The following CAMTA1 variants were observed in gnomAD, a reference collection of about 807,000 sequenced individuals.
CAMTA1 encodes calmodulin-binding transcription activator 1.
Under a neutral mutation model 170.9 loss-of-function variants are expected in CAMTA1, and 27 were observed. That is an observed-to-expected ratio of 0.16 (90% confidence interval 0.12 to 0.22). CAMTA1 has a LOEUF of 0.22. CAMTA1 is among the 10% of genes least tolerant of loss of function. The pLI is 1.00. For missense variants in CAMTA1, 1,619 were observed against 2,217.2 expected (o/e 0.73, Z 5.42); for synonymous variants, 833 against 891.5 (o/e 0.93, Z 1.17).
At chr1:7,011,325 C>T (rs1483237352) in intron 3 of CAMTA1, among the ~76,000 whole-genome samples, 1 of 152,214 alleles carries the variant, frequency 6.6e-6, no homozygotes, top group Non-Finnish European at 1.5e-5. Context: ...GGATTACATG[C>T]ATGAGCTACT....
intron 6 of CAMTA1, among the ~76,000 whole-genome samples, chr1:7,617,511 C>G (rs1028258849): frequency 1.2e-4 from 19 of 152,244 alleles, no homozygotes; most frequent in African/African-American, 4.1e-4. Context: ...GTCCTCTACC[C>G]TCAGGCTCTA....
intron 3 of CAMTA1, among the ~76,000 whole-genome samples, chr1:6,944,699 C>T (rs945147640): frequency 1.3e-5 from 2 of 152,244 alleles, no homozygotes; most frequent in Non-Finnish European, 1.5e-5. Context: ...ACCTGTTTCT[C>T]TCGTTTAAAA....
chr1:6,917,440 A>G (rs966649332), intron 3 of CAMTA1, among the ~76,000 whole-genome samples: 2 of 152,054 alleles, frequency 1.3e-5, no homozygotes, highest in South Asian at 2.1e-4. Flanking sequence ...AGAACTTGCA[A>G]TTATTAACCT....
At chr1:7,000,470 A>G (rs1201632403) in intron 3 of CAMTA1, among the ~76,000 whole-genome samples, 11 of 152,192 alleles carry the variant, frequency 7.2e-5, no homozygotes. Context: ...GAGGCAGGAC[A>G]GGAGCGAGGT....
intron 3 of CAMTA1, among the ~76,000 whole-genome samples, chr1:6,917,203 A>C (rs1194631277): frequency 1.3e-5 from 2 of 151,980 alleles, no homozygotes; most frequent in East Asian, 3.9e-4. Context: ...GAGCCTGTTC[A>C]TGACACTGGA....
rs2096929937 is a variant in CAMTA1, at chr1:7,756,136, TA to T, written c.4989+470del. On this transcript the variant is annotated intron_variant, in intron 22 of 22. Transcript: ENST00000303635. ...AGGTCGTACTAGGGTTTTTTTTTTTTAATGAATCTATTTCTTACTGAGAATG... is the reference window on the plus strand; with the variant it reads ...AGGTCGTACTAGGGTTTTTTTTTTTTATGAATCTATTTCTTACTGAGAATG... Among the ~76,000 whole-genome samples the T allele has an allele frequency of 5.3e-5, 8 of 152,128 alleles. No individual in the cohort carries two copies. In the South Asian group the frequency reaches 1.5e-3, roughly 28 times the overall value.
chr1:7,687,261 A>C (rs2096266739), intron 11 of CAMTA1, among the ~76,000 whole-genome samples: 1 of 151,736 alleles, frequency 6.6e-6, no homozygotes, highest in African/African-American at 2.4e-5. Flanking sequence ...CAGCCAGTGC[A>C]ACGGAGGGAA....
chr1:7,295,705 A>G (rs542248221), intron 5 of CAMTA1, among the ~76,000 whole-genome samples: 27 of 152,350 alleles, frequency 1.8e-4, no homozygotes, highest in Non-Finnish European at 3.5e-4. Flanking sequence ...TCAAAAATGA[A>G]CAGACAGAAA....
chr1:7,678,442 A>C (rs1316826154), intron 11 of CAMTA1, among the ~76,000 whole-genome samples: 2 of 152,202 alleles, frequency 1.3e-5, no homozygotes, highest in Non-Finnish European at 2.9e-5. Flanking sequence ...AAGGAGAGGC[A>C]GGGACTCCAA....
At chr1:6,942,370 A>T (rs1372616642) in intron 3 of CAMTA1, among the ~76,000 whole-genome samples, 1 of 152,224 alleles carries the variant, frequency 6.6e-6, no homozygotes, top group Non-Finnish European at 1.5e-5. Flanking sequence ...GAGTTAAACC[A>T]TGGGCTCACT....
chr1:6,934,517 GA>G lies in CAMTA1; in HGVS notation c.234+109311del, dbSNP rs1684969927. Among the ~76,000 whole-genome samples the G allele has an allele frequency of 1.3e-5, 2 of 152,160 alleles. No homozygotes were observed. On this transcript the variant is annotated intron_variant, in intron 3 of 22. Coordinates refer to ENST00000303635, the MANE Select transcript of CAMTA1 (RefSeq NM_015215.4). This position sits in a 1 kb window ranked among gnomAD's most constrained non-coding sequence, Gnocchi z 4.5. The stretch of plus-strand genomic sequence containing the variant: ...CCAGAACATTCCTTTGAGGAGGAGA[GA>G]AAAGGAACTTGGCCACTGTGGACCC...
chr1:6,979,289 G>A (rs1445965267), intron 3 of CAMTA1, among the ~76,000 whole-genome samples: 1 of 152,184 alleles, frequency 6.6e-6, no homozygotes, highest in Non-Finnish European at 1.5e-5. Flanking sequence ...CCTAGGTGCT[G>A]CTCCCTCTCC....
Position 7,536,036 on chromosome 1 carries a change from A to T in CAMTA1, c.510+68135A>T, listed in dbSNP as rs948591695. Among the ~76,000 whole-genome samples the T allele has an allele frequency of 3.3e-5, 5 of 152,214 alleles. 1 individual carries two copies. The highest frequency in any genetic ancestry group is 7.3e-5 in the Non-Finnish European group (5 of 68,038). On this transcript the variant is annotated intron_variant, in intron 6 of 22. Transcript: ENST00000303635. The stretch of plus-strand genomic sequence containing the variant: ...TAATAACCTTAATTGTAAATCCTTT[A>T]TGTATAGACTTGGGCTATAACAACC...
intron 3 of CAMTA1, among the ~76,000 whole-genome samples, chr1:6,995,306 T>C (rs1453918280): frequency 2.9e-4 from 34 of 116,420 alleles, no homozygotes; most frequent in Admixed American, 7.7e-4. Flanking sequence ...TTTTTTTTTT[T>C]TTTTTTTTTT....
chr1:7,486,594 A>C (rs2093621137), intron 6 of CAMTA1, among the ~76,000 whole-genome samples: 1 of 152,196 alleles, frequency 6.6e-6, no homozygotes, highest in Non-Finnish European at 1.5e-5. Context: ...CTGAGACCTG[A>C]CTTCCAGGGT....
intron 11 of CAMTA1, chr1:7,693,683 T>G (rs958538979): frequency 1.3e-5 from 2 of 152,270 alleles, no homozygotes; most frequent in African/African-American, 4.8e-5. Flanking sequence ...CACTGTCCTC[T>G]TCCCCATGGA....
At chr1:7,316,438 A>C (rs757416571) in intron 5 of CAMTA1, among the ~76,000 whole-genome samples, 15 of 152,216 alleles carry the variant, frequency 9.9e-5, no homozygotes, top group Non-Finnish European at 1.8e-4. Context: ...TGGATCCTTT[A>C]AAGATTAAAA....
At chr1:7,413,292 G>T (rs1439023705) in intron 5 of CAMTA1, among the ~76,000 whole-genome samples, 2 of 152,190 alleles carry the variant, frequency 1.3e-5, no homozygotes, top group Non-Finnish European at 2.9e-5. Context: ...ATTCTGTGAA[G>T]AAAGCCATTG....
intron 6 of CAMTA1, among the ~76,000 whole-genome samples, chr1:7,621,966 C>T (rs1336691143): frequency 6.6e-6 from 1 of 152,190 alleles, no homozygotes. Flanking sequence ...CCTCGTGTGA[C>T]CTTGCAATCC....
Sources: gnomAD v4.1 joint callset for allele counts (sites outside exome capture counted in the v4.1 genomes callset) on GRCh38, gnomAD v4.1.1 for gene constraint, Gnocchi (gnomAD v3.1) non-coding constraint, MANE v1.5 for transcripts, NCBI Gene and HGNC (gene_info 2026-07-23, HGNC 2026-07-21) for gene names.